HS6ST3: variants seen among roughly 807,000 people sequenced by gnomAD.
HS6ST3 encodes the protein heparan sulfate 6-O-sulfotransferase 3, also known as heparan-sulfate 6-O-sulfotransferase 3.
A neutral mutation model predicts 36.7 loss-of-function variants in HS6ST3; 12 were observed. The observed-to-expected ratio is 0.33, with a 90% CI of 0.21 to 0.53. HS6ST3 has a LOEUF of 0.53. Ranked by LOEUF, HS6ST3 falls within the 20% of genes least tolerant of loss-of-function variation. The pLI, the probability that HS6ST3 is intolerant of heterozygous loss-of-function variation, is 0.95. For synonymous variants in HS6ST3, 240 were observed against 257.5 expected (o/e 0.93, Z 0.65); for missense variants, 584 against 640.9 (o/e 0.91, Z 0.96).
chr13:96,591,317 T>C (rs543631822), intron 1 of HS6ST3, among the ~76,000 whole-genome samples: 149 of 152,180 alleles, frequency 9.8e-4, no homozygotes, highest in African/African-American at 3.5e-3. Context: ...TTAGTGTTCT[T>C]CCAATCTATG....
At chr13:96,331,704 T>C (rs1391268375) in intron 1 of HS6ST3, among the ~76,000 whole-genome samples, 1 of 152,198 alleles carries the variant, frequency 6.6e-6, no homozygotes, top group Non-Finnish European at 1.5e-5. Flanking sequence ...TGTGGTGGGC[T>C]CCACCCAGTT....
chr13:96,597,966 A>G (rs895972882), intron 1 of HS6ST3, among the ~76,000 whole-genome samples: 1 of 152,016 alleles, frequency 6.6e-6, no homozygotes, highest in Non-Finnish European at 1.5e-5. Context: ...CTGCTTTGTC[A>G]AAGATTAGTT....
intron 1 of HS6ST3, among the ~76,000 whole-genome samples, chr13:96,589,254 C>T (rs1298717477): frequency 2.0e-5 from 3 of 151,834 alleles, no homozygotes; most frequent in Non-Finnish European, 2.9e-5. Flanking sequence ...TTTTCTATTT[C>T]TTCATAATTC....
chr13:96,486,386 T>C (rs188450272), intron 1 of HS6ST3, among the ~76,000 whole-genome samples: 1 of 152,296 alleles, frequency 6.6e-6, no homozygotes, highest in Non-Finnish European at 1.5e-5. Context: ...TACCCAGTAA[T>C]GGGATGGCTG....
At position 96,132,118 on chromosome 13, in the gene HS6ST3, C is replaced by A. The variant is rs577915623; in HGVS notation, c.707+40549C>A. ...CCGTTTTTCAGACTGAATAGTATTC[C>A]AGTACACACACACACACACACACAC... On this transcript the variant is annotated intron_variant, in intron 1 of 1. Transcript: ENST00000376705. 6.9e-4 allele frequency among the ~76,000 whole-genome samples: 77 copies of A among 111,330 alleles called. No homozygotes were observed. In the South Asian group the frequency reaches 0.011, roughly 16 times the overall value. The allele number at this position is 111,330 out of a possible 152,430, so 73.0% of individuals were successfully genotyped here.
intron 1 of HS6ST3, among the ~76,000 whole-genome samples, chr13:96,629,803 TG>T (rs1023542037): frequency 2.0e-5 from 3 of 152,320 alleles, no homozygotes; most frequent in African/African-American, 7.2e-5. Flanking sequence ...CATTTTTCAA[TG>T]ATTTGCTACC....
At chr13:96,704,262 T>C (rs1316399533) in intron 1 of HS6ST3, among the ~76,000 whole-genome samples, 1 of 152,172 alleles carries the variant, frequency 6.6e-6, no homozygotes, top group Non-Finnish European at 1.5e-5. Flanking sequence ...GCACGTGATA[T>C]TCCTATAGTG....
chr13:96,334,082 G>C (rs1035986823), intron 1 of HS6ST3, among the ~76,000 whole-genome samples: 2 of 152,228 alleles, frequency 1.3e-5, no homozygotes, highest in African/African-American at 2.4e-5. Flanking sequence ...CTGTAGTGCA[G>C]ATTGAATTAG....
intron 1 of HS6ST3, among the ~76,000 whole-genome samples, chr13:96,493,139 C>G (rs2055955020): frequency 6.6e-6 from 1 of 152,158 alleles, no homozygotes; most frequent in African/African-American, 2.4e-5. Flanking sequence ...TGTTCCCTGT[C>G]TGTTCCTGAA....
chr13:96,368,558 A>G (rs2055274924), intron 1 of HS6ST3, among the ~76,000 whole-genome samples: 1 of 152,012 alleles, frequency 6.6e-6, no homozygotes, highest in South Asian at 2.1e-4. Context: ...TACATGGTAT[A>G]ATTCAGTATC....
chr13:96,634,822 A>G (rs149817710), intron 1 of HS6ST3, among the ~76,000 whole-genome samples: 1 of 152,158 alleles, frequency 6.6e-6, no homozygotes, highest in East Asian at 1.9e-4. Flanking sequence ...TCTCTCTTTC[A>G]ATGAGTTATT....
Position 96,121,778 on chromosome 13 carries a change from A to G in HS6ST3, c.707+30209A>G, listed in dbSNP as rs541440354. Among the ~76,000 whole-genome samples, 14 of 152,272 alleles carry G rather than the reference A, an allele frequency of 9.2e-5. No homozygotes were observed. The East Asian group carries it at 1.4e-3, about 15-fold the overall frequency. ...GGACTCCCTGAATCATTTCTCATTT[A>G]CCACCCAATGACTCCATGAAATTCA... On this transcript the variant is annotated intron_variant, in intron 1 of 1. Coordinates refer to ENST00000376705, the MANE Select transcript of HS6ST3 (RefSeq NM_153456.4).
intron 1 of HS6ST3, among the ~76,000 whole-genome samples, chr13:96,209,902 C>A (rs936064065): frequency 2.6e-5 from 4 of 152,124 alleles, no homozygotes; most frequent in Admixed American, 2.0e-4. Context: ...TCTTTAATTT[C>A]CTTTGTCTAA....
chr13:96,145,479 C>T (rs536171163), intron 1 of HS6ST3, among the ~76,000 whole-genome samples: 12 of 152,204 alleles, frequency 7.9e-5, no homozygotes, highest in South Asian at 2.1e-4. Context: ...TTATATCCTT[C>T]GCCCAGTTTT....
At chr13:96,597,508 G>A (rs2056406032) in intron 1 of HS6ST3, among the ~76,000 whole-genome samples, 1 of 151,770 alleles carries the variant, frequency 6.6e-6, no homozygotes, top group Non-Finnish European at 1.5e-5. Context: ...GTCTGTTCGT[G>A]TTATTTCCTT....
intron 1 of HS6ST3, among the ~76,000 whole-genome samples, chr13:96,438,416 C>G (rs998154257): frequency 1.3e-5 from 2 of 152,206 alleles, no homozygotes; most frequent in African/African-American, 4.8e-5. Flanking sequence ...GGTGCAATGA[C>G]TTATTCAAGA....
intron 1 of HS6ST3, among the ~76,000 whole-genome samples, chr13:96,389,772 G>A (rs2055386921): frequency 1.3e-5 from 2 of 152,090 alleles, no homozygotes; most frequent in African/African-American, 4.8e-5. Flanking sequence ...AGGAAACTAA[G>A]GACTAAATAG....
rs138793793 is a variant in HS6ST3 at position 96,836,396 on chromosome 13, C to A, written c.*3198C>A. Reference sequence around the variant, plus strand: ...ACTTATCTATTCTGTCTCCTTCTAGCTTTTAGGCAGCCTACTCTTGGAAAC... The same window carrying A: ...ACTTATCTATTCTGTCTCCTTCTAGATTTTAGGCAGCCTACTCTTGGAAAC... On this transcript the variant is annotated 3_prime_UTR_variant, in exon 2 of 2. Transcript: ENST00000376705. The A allele has an allele frequency of 6.6e-6, 1 of 152,090 alleles. No individual in the cohort carries two copies. The highest frequency in any genetic ancestry group is 1.5e-5 in the Non-Finnish European group (1 of 68,018). 9.4% of individuals were successfully genotyped at this position (152,090 alleles called of 1,614,324 possible). A position where few individuals can be genotyped will look rare whatever the true frequency, so the allele number is the denominator to read the frequency against.
At chr13:96,730,809 C>T (rs543451300) in intron 1 of HS6ST3, among the ~76,000 whole-genome samples, 20 of 152,162 alleles carry the variant, frequency 1.3e-4, no homozygotes, top group Non-Finnish European at 2.1e-4. Flanking sequence ...TCATGGTTCA[C>T]TGCAGCCTTG....
Sources: allele counts gnomAD v4.1 joint callset (sites outside exome capture counted in the v4.1 genomes callset), GRCh38; gene constraint gnomAD v4.1.1; transcripts MANE v1.5; gene names NCBI Gene and HGNC (gene_info 2026-07-23, HGNC 2026-07-21).